The following STK39 variants were observed in gnomAD, a reference collection of about 807,000 sequenced individuals.
STK39 encodes the protein STE20/SPS1-related proline-alanine-rich protein kinase.
STK39 carries 20 observed loss-of-function variants against 77.8 expected under a neutral mutation model. That is an observed-to-expected ratio of 0.26 (90% CI 0.18 to 0.37). The LOEUF (loss-of-function observed/expected upper bound fraction) is 0.37. Among genes scored for constraint, STK39 ranks in the 10% least tolerant of loss-of-function variants. STK39 has a pLI of 1.00. For missense variants in STK39, 479 were observed against 656.5 expected (o/e 0.73, Z 2.95); for synonymous variants, 246 against 234.1 (o/e 1.05, Z -0.47).
At chr2:168,008,785 T>G (rs981421959) in intron 16 of STK39, among the ~76,000 whole-genome samples, 1 of 151,986 alleles carries the variant, frequency 6.6e-6, no homozygotes, top group African/African-American at 2.4e-5. Context: ...ATGGGAGAAC[T>G]AGGAGAGGGT....
chr2:168,038,322 C>T, intron 14 of STK39, among the ~76,000 whole-genome samples: 1 of 151,810 alleles, frequency 6.6e-6, no homozygotes, highest in East Asian at 1.9e-4. Context: ...TTCAGATCTT[C>T]TAACAAATGG....
chr2:168,095,365 T>C (rs1686634795), intron 10 of STK39, among the ~76,000 whole-genome samples: 1 of 152,184 alleles, frequency 6.6e-6, no homozygotes, highest in Non-Finnish European at 1.5e-5. Flanking sequence ...AAAATTCACC[T>C]AGGTCATGTG....
At chr2:168,004,995 CTCTTTT>C (rs1684090666) in intron 16 of STK39, among the ~76,000 whole-genome samples, 1 of 123,212 alleles carries the variant, frequency 8.1e-6, no homozygotes, top group East Asian at 2.3e-4. Flanking sequence ...ACAGAAGGCC[CTCTTTT>C]TTTTTTTTTT....
At chr2:168,167,206 G>C in intron 3 of STK39, 93 bp downstream of exon 3, 2 of 1,054,308 alleles carry the variant, frequency 1.9e-6, no homozygotes, top group Admixed American at 2.0e-5. Context: ...ACACAGGAGA[G>C]AAAGGATTCA....
chr2:168,242,018 T>C (rs1321493390), intron 1 of STK39, among the ~76,000 whole-genome samples: 2 of 152,178 alleles, frequency 1.3e-5, no homozygotes, highest in East Asian at 3.9e-4. Context: ...CAAAATGTAC[T>C]ATACAATAAA....
intron 1 of STK39, among the ~76,000 whole-genome samples, chr2:168,230,060 CAA>C (rs1047683492): frequency 9.9e-5 from 15 of 152,128 alleles, no homozygotes; most frequent in African/African-American, 3.4e-4. Context: ...GTGTGAAAAA[CAA>C]AAGTTAGATG....
intron 16 of STK39, among the ~76,000 whole-genome samples, chr2:167,999,428 C>T (rs1273982426): frequency 1.3e-5 from 2 of 152,164 alleles, no homozygotes; most frequent in Non-Finnish European, 2.9e-5. Context: ...GTGTACTCAG[C>T]ACCACAGTAG....
intron 1 of STK39, among the ~76,000 whole-genome samples, chr2:168,246,004 T>C (rs1690889336): frequency 6.6e-6 from 1 of 152,172 alleles, no homozygotes; most frequent in Admixed American, 6.5e-5. Context: ...TATTCCCCAA[T>C]AGCAGGTGAT....
intron 14 of STK39, among the ~76,000 whole-genome samples, chr2:168,060,942 G>A (rs1469349330): frequency 6.6e-6 from 1 of 152,042 alleles, no homozygotes; most frequent in Non-Finnish European, 1.5e-5. Context: ...AAGATTAAAA[G>A]GCAGGTTAAT....
intron 15 of STK39, among the ~76,000 whole-genome samples, chr2:168,015,522 T>C (rs1684382222): frequency 6.6e-6 from 1 of 152,240 alleles, no homozygotes; most frequent in Non-Finnish European, 1.5e-5. Flanking sequence ...AAGCAGGGAC[T>C]GTTAATCTAA....
At chr2:168,146,478 C>A (rs181815792) in intron 5 of STK39, among the ~76,000 whole-genome samples, 185 of 152,316 alleles carry the variant, frequency 1.2e-3, no homozygotes, top group African/African-American at 4.4e-3. Flanking sequence ...AAAAGAGACA[C>A]TGATGCCTAA....
chr2:168,217,626 C>T (rs1391336579), intron 1 of STK39, among the ~76,000 whole-genome samples: 1 of 152,128 alleles, frequency 6.6e-6, no homozygotes, highest in Non-Finnish European at 1.5e-5. Context: ...GTAGTATTTG[C>T]ATATAACCTA....
At chr2:168,003,508 A>C (rs111557195) in intron 16 of STK39, among the ~76,000 whole-genome samples, 16,916 of 152,186 alleles carry the variant, frequency 0.11, 3,157 homozygotes, top group African/African-American at 0.38. Flanking sequence ...GATAATTGGG[A>C]AACCAGGAGC....
At chr2:168,203,101 G>A (rs1193500275) in intron 1 of STK39, among the ~76,000 whole-genome samples, 4 of 152,028 alleles carry the variant, frequency 2.6e-5, no homozygotes, top group African/African-American at 9.7e-5. Context: ...GAGCATCCCC[G>A]GCCGTAGCAT....
At chr2:168,134,408 T>G (rs1687778985) in intron 8 of STK39, among the ~76,000 whole-genome samples, 1 of 151,800 alleles carries the variant, frequency 6.6e-6, no homozygotes, top group African/African-American at 2.4e-5. Flanking sequence ...CCCTTTGACC[T>G]CAAGCAGAGC....
chr2:168,126,145 C>T (rs886835457), intron 10 of STK39, among the ~76,000 whole-genome samples: 2 of 152,150 alleles, frequency 1.3e-5, no homozygotes, highest in Admixed American at 1.3e-4. Flanking sequence ...GCCCAGGTAT[C>T]ATTTAAACAC....
At chr2:168,190,860 A>T (rs1689322562) in intron 1 of STK39, among the ~76,000 whole-genome samples, 3 of 152,184 alleles carry the variant, frequency 2.0e-5, no homozygotes, top group Admixed American at 2.0e-4. Flanking sequence ...CTTGGAAGGG[A>T]TAATCCACCT....
rs1172362803 is a variant in STK39, at chr2:168,247,523, G to A, written c.-88C>T. 160 of 879,930 alleles carry A rather than the reference G, an allele frequency of 1.8e-4. No individual in the cohort carries two copies. Among genetic ancestry groups the A allele is most frequent in the Non-Finnish European group, 2.1e-4 (150 of 708,148 alleles). 54.5% of individuals were successfully genotyped at this position (879,930 alleles called of 1,614,324 possible). A position where few individuals can be genotyped will look rare whatever the true frequency, so the allele number is the denominator to read the frequency against. On this transcript the variant is annotated 5_prime_UTR_variant, in exon 1 of 18. Transcript: ENST00000355999. ...CTTTGCCTCGCCGCCGACACCTCTCGGCCGGCGCACGCCCTCCCCGCCCGC... is the reference window on the plus strand; with the variant it reads ...CTTTGCCTCGCCGCCGACACCTCTCAGCCGGCGCACGCCCTCCCCGCCCGC...
intron 17 of STK39, 146 bp from the exon 18 acceptor site, chr2:167,955,716 AC>A (rs550069128): frequency 1.3e-4 from 96 of 724,184 alleles, no homozygotes; most frequent in Admixed American, 8.6e-4. Flanking sequence ...GACGCCAGCC[AC>A]TCTCTCGAAT....
Sources: gnomAD v4.1 joint callset for allele counts (sites outside exome capture counted in the v4.1 genomes callset) on GRCh38, gnomAD v4.1.1 for gene constraint, MANE v1.5 for transcripts, NCBI Gene and HGNC (gene_info 2026-07-23, HGNC 2026-07-21) for gene names.